The following TRIM44 variants were observed in gnomAD, a reference collection of about 807,000 sequenced individuals.
The protein encoded by TRIM44 is tripartite motif-containing protein 44.
Under a neutral mutation model 37.4 loss-of-function variants are expected in TRIM44, and 13 were observed. The observed-to-expected ratio is 0.35, with a 90% confidence interval of 0.23 to 0.55. TRIM44 has a LOEUF of 0.55. Among genes scored for constraint, TRIM44 ranks in the 20% least tolerant of loss-of-function variants. TRIM44 has a pLI of 0.89. For synonymous variants in TRIM44, 175 were observed against 157.2 expected, an observed-to-expected ratio of 1.11 and a Z score of -0.85; for missense variants, 426 against 437.2, an observed-to-expected ratio of 0.97 and a Z score of 0.23.
At chr11:35,684,673 G>GT (rs1851553787) in intron 1 of TRIM44, among the ~76,000 whole-genome samples, 1 of 152,144 alleles carries the variant, frequency 6.6e-6, no homozygotes, top group Non-Finnish European at 1.5e-5. Context: ...TCAAAAACCT[G>GT]TGAGTTTTAT....
At chr11:35,749,105 AGAAAC>A (rs1276506830) in intron 4 of TRIM44, among the ~76,000 whole-genome samples, 1 of 152,190 alleles carries the variant, frequency 6.6e-6, no homozygotes, top group Admixed American at 6.5e-5. Flanking sequence ...CAGTTGGAGG[AGAAAC>A]ATGGCATTCA....
chr11:35,714,905 C>T (rs1852019396), intron 2 of TRIM44, among the ~76,000 whole-genome samples: 1 of 152,280 alleles, frequency 6.6e-6, no homozygotes, highest in East Asian at 1.9e-4. Flanking sequence ...TTGGTTGTTA[C>T]AAGTCCTGGG....
intron 4 of TRIM44, among the ~76,000 whole-genome samples, chr11:35,741,589 G>C (rs1025001783): frequency 6.6e-6 from 1 of 152,002 alleles, no homozygotes; most frequent in African/African-American, 2.4e-5. Context: ...CCAAGAGGAA[G>C]GGGCATGGAT....
intron 2 of TRIM44, among the ~76,000 whole-genome samples, chr11:35,713,735 G>C (rs550639361): frequency 2.5e-4 from 38 of 152,246 alleles, no homozygotes; most frequent in African/African-American, 7.9e-4. Context: ...GGGTAAGCAG[G>C]TTGTTAGCTC....
At chr11:35,792,111 A>ACACTCTCT (rs796092540) in intron 4 of TRIM44, among the ~76,000 whole-genome samples, 2 of 114,364 alleles carry the variant, frequency 1.7e-5, no homozygotes, top group Non-Finnish European at 1.8e-5. Flanking sequence ...ACACACACAC[A>ACACTCTCT]CTCTCTCTCA....
chr11:35,760,176 T>A (rs1852703402), intron 4 of TRIM44, among the ~76,000 whole-genome samples: 1 of 152,198 alleles, frequency 6.6e-6, no homozygotes. Flanking sequence ...GTTTACCTAC[T>A]CAAGCCTCGG....
rs1014256281 is a variant in TRIM44, at chr11:35,811,006, G to A, written c.*4621G>A. Reference sequence around the variant, plus strand: ...CTGCTATCCCAGGATGTTCGGACTTGGTGCCCCTGTGCATTTGGAAATCAA... The same window carrying A: ...CTGCTATCCCAGGATGTTCGGACTTAGTGCCCCTGTGCATTTGGAAATCAA... On this transcript the variant is annotated 3_prime_UTR_variant, in exon 5 of 5. Coordinates refer to ENST00000299413, the MANE Select transcript of TRIM44 (RefSeq NM_017583.6). 6.6e-6 allele frequency: 1 copy of A among 152,132 alleles called. No homozygotes were observed. Among genetic ancestry groups the A allele is most frequent in the Non-Finnish European group, 1.5e-5 (1 of 68,006 alleles). The allele number at this position is 152,132 out of a possible 1,614,324, so 9.4% of individuals were successfully genotyped here.
chr11:35,785,049 A>G (rs1002327785), intron 4 of TRIM44, among the ~76,000 whole-genome samples: 4 of 152,326 alleles, frequency 2.6e-5, no homozygotes, highest in South Asian at 2.1e-4. Flanking sequence ...CTTTCACCCC[A>G]AAAAGCTACA....
intron 4 of TRIM44, among the ~76,000 whole-genome samples, chr11:35,756,901 G>A (rs936994541): frequency 2.6e-5 from 4 of 152,096 alleles, no homozygotes; most frequent in Admixed American, 6.5e-5. Context: ...TGCTGGATTC[G>A]GTTTGCCAGT....
intron 1 of TRIM44, among the ~76,000 whole-genome samples, chr11:35,683,004 CT>C (rs1253255329): frequency 6.6e-6 from 1 of 152,216 alleles, no homozygotes; most frequent in East Asian, 1.9e-4. Context: ...GGGAAGAGAG[CT>C]TTCCAGGGAC....
intron 2 of TRIM44, among the ~76,000 whole-genome samples, chr11:35,717,156 T>TTA (rs1852048238): frequency 6.6e-6 from 1 of 152,182 alleles, no homozygotes; most frequent in Admixed American, 6.5e-5. Flanking sequence ...GGAGCCATCC[T>TTA]TATGGAGGTA....
chr11:35,737,029 G>A (rs112417343), intron 4 of TRIM44, among the ~76,000 whole-genome samples: 1 of 152,320 alleles, frequency 6.6e-6, no homozygotes, highest in African/African-American at 2.4e-5. Context: ...GGTAGGGAAT[G>A]TGTTCTGATA....
intron 3 of TRIM44, among the ~76,000 whole-genome samples, chr11:35,732,969 A>G (rs1404442546): frequency 6.6e-6 from 1 of 152,204 alleles, no homozygotes; most frequent in Non-Finnish European, 1.5e-5. Context: ...TTTGTGTCCC[A>G]TCTTTTCTGT....
chr11:35,746,178 G>A (rs1852487916), intron 4 of TRIM44, among the ~76,000 whole-genome samples: 1 of 152,154 alleles, frequency 6.6e-6, no homozygotes, highest in South Asian at 2.1e-4. Context: ...TTCCTTATTT[G>A]TCTTCATAGC....
intron 4 of TRIM44, among the ~76,000 whole-genome samples, chr11:35,767,694 G>A (rs1852816320): frequency 6.6e-6 from 1 of 152,130 alleles, no homozygotes; most frequent in African/African-American, 2.4e-5. Context: ...GGGCTTTGAA[G>A]TTATACAGAC....
At chr11:35,786,193 G>T (rs1853128748) in intron 4 of TRIM44, among the ~76,000 whole-genome samples, 1 of 152,074 alleles carries the variant, frequency 6.6e-6, no homozygotes, top group Admixed American at 6.6e-5. Flanking sequence ...TTTAAAAAGG[G>T]TTTCTCTTTA....
chr11:35,805,797 AAGAT>A (rs1853438715), intron 4 of TRIM44, among the ~76,000 whole-genome samples: 1 of 150,274 alleles, frequency 6.7e-6, no homozygotes, highest in Non-Finnish European at 1.5e-5. Context: ...TGACAGACAT[AAGAT>A]AGAGAATCAC....
At chr11:35,730,274 A>G (rs1481345035) in intron 3 of TRIM44, among the ~76,000 whole-genome samples, 2 of 152,238 alleles carry the variant, frequency 1.3e-5, no homozygotes, top group African/African-American at 4.8e-5. Flanking sequence ...GAATTTGAAG[A>G]TAGATTGATA....
At chr11:35,769,898 TA>T (rs1852843851) in intron 4 of TRIM44, among the ~76,000 whole-genome samples, 1 of 152,114 alleles carries the variant, frequency 6.6e-6, no homozygotes. Context: ...TGAATTTATT[TA>T]TTTTTTTTAT....
Sources: allele counts gnomAD v4.1 joint callset (sites outside exome capture counted in the v4.1 genomes callset), GRCh38; gene constraint gnomAD v4.1.1; transcripts MANE v1.5; gene names NCBI Gene and HGNC (gene_info 2026-07-23, HGNC 2026-07-21).